Variants in TMEM144 observed in about 807,000 individuals in gnomAD.
TMEM144 encodes the protein transmembrane protein 144.
In TMEM144, 39 loss-of-function variants were observed where a neutral mutation model predicts 43.6. That is an observed-to-expected ratio of 0.90 (90% CI 0.69 to 1.17). TMEM144 has a LOEUF of 1.17. Among genes scored for constraint, TMEM144 ranks in the 50% most tolerant of loss-of-function variants. The pLI is 0.00. For synonymous variants in TMEM144, 154 were observed against 133.6 expected (o/e 1.15, Z -1.06); for missense variants, 417 against 411.9 (o/e 1.01, Z -0.11).
At chr4:158,252,817 AAAAAAG>A (rs1736276569) in intron 12 of TMEM144, among the ~76,000 whole-genome samples, 3 of 151,634 alleles carry the variant, frequency 2.0e-5, no homozygotes, top group East Asian at 1.9e-4. Context: ...CAAAAAAAAA[AAAAAAG>A]AAAAAAAGAA....
At chr4:158,237,781 C>A in intron 9 of TMEM144, 138 bp downstream of exon 9, 1 of 585,470 alleles carries the variant, frequency 1.7e-6, no homozygotes, top group Non-Finnish European at 2.9e-6. Flanking sequence ...AGGCATTGAA[C>A]ACCAAAAATA....
intron 12 of TMEM144, among the ~76,000 whole-genome samples, chr4:158,249,667 G>A (rs1397664181): frequency 6.6e-6 from 1 of 152,180 alleles, no homozygotes; most frequent in Non-Finnish European, 1.5e-5. Flanking sequence ...CACGTAATTA[G>A]ATTGTAGAGT....
intron 12 of TMEM144, 112 bp from the exon 13 acceptor site, chr4:158,253,332 G>C: frequency 1.2e-6 from 1 of 818,344 alleles, no homozygotes; most frequent in Non-Finnish European, 1.9e-6. Flanking sequence ...AGCAAAAAAG[G>C]GTACAGGCGG....
Position 158,253,734 on chromosome 4 carries a change from A to G in TMEM144, c.*207A>G, listed in dbSNP as rs143738539. The G allele has an allele frequency of 2.7e-5, 15 of 548,414 alleles. No homozygotes were observed. The African/African-American group carries it at 2.8e-4, about 10-fold the overall frequency. 34.0% of individuals were successfully genotyped at this position (548,414 alleles called of 1,614,324 possible). ...AGTATAAAAATGAAAATTTCTTCTGATGAACTGTTTATGAAGGTAGTACTT... is the reference window on the plus strand; with the variant it reads ...AGTATAAAAATGAAAATTTCTTCTGGTGAACTGTTTATGAAGGTAGTACTT... On this transcript the variant is annotated 3_prime_UTR_variant, in exon 13 of 13. Transcript: ENST00000296529.
At chr4:158,242,177 A>G (rs1301341157) in intron 11 of TMEM144, among the ~76,000 whole-genome samples, 1 of 152,222 alleles carries the variant, frequency 6.6e-6, no homozygotes, top group Non-Finnish European at 1.5e-5. Flanking sequence ...CACAGAGATT[A>G]TTCTTGAAAA....
At chr4:158,215,126 T>TA in intron 3 of TMEM144, 65 bp from the exon 4 acceptor site, 1 of 1,605,766 alleles carries the variant, frequency 6.2e-7, no homozygotes, top group Non-Finnish European at 8.5e-7. Flanking sequence ...ACCTCATAGA[T>TA]ATTCCTGAGC....
intron 6 of TMEM144, among the ~76,000 whole-genome samples, chr4:158,222,359 G>A (rs1230767431): frequency 6.6e-6 from 1 of 152,082 alleles, no homozygotes; most frequent in South Asian, 2.1e-4. Context: ...GTTTCTACAC[G>A]TTTCACCTTT....
chr4:158,224,073 A>G lies in TMEM144; in HGVS notation c.413+4683A>G, dbSNP rs570429272. On this transcript the variant is annotated intron_variant, in intron 6 of 12. Transcript: ENST00000296529. ...TTTCTCCACAGCTTCGCCAGCATCT[A>G]TTGTTTCTCTTTTTTTTAATAATCG... 1.9e-3 allele frequency among the ~76,000 whole-genome samples: 287 copies of G among 152,124 alleles called. 1 individual carries two copies. Among genetic ancestry groups the G allele is most frequent in the South Asian group, 5.2e-3 (25 of 4,820 alleles).
intron 12 of TMEM144, among the ~76,000 whole-genome samples, chr4:158,253,125 G>C (rs926608909): frequency 1.4e-4 from 21 of 152,052 alleles, no homozygotes; most frequent in African/African-American, 4.1e-4. Flanking sequence ...AAACAACCAT[G>C]GTGGTTTGCT....
intron 6 of TMEM144, among the ~76,000 whole-genome samples, chr4:158,224,953 C>T (rs116598317): frequency 2.6e-5 from 4 of 152,242 alleles, no homozygotes; most frequent in South Asian, 2.1e-4. Flanking sequence ...TCTCTAATAC[C>T]GAGAGCAAGG....
rs1334089229 is a variant in TMEM144 at position 158,211,212 on chromosome 4, T to C, written c.-182-241T>C. The C allele has an allele frequency of 3.3e-5, 5 of 152,256 alleles. No homozygotes were observed. The South Asian group carries it at 8.3e-4, about 25-fold the overall frequency. 9.4% of individuals were successfully genotyped at this position (152,256 alleles called of 1,614,324 possible). A position where few individuals can be genotyped will look rare whatever the true frequency, so the allele number is the denominator to read the frequency against. ...TTATCTATAGGTAATAACTGATTGA[T>C]GTTTATTCAGTAGTCGAAATGCACC... is the stretch of plus-strand genomic sequence containing the variant. On this transcript the variant is annotated intron_variant, in intron 1 of 12. Coordinates refer to ENST00000296529, the MANE Select transcript of TMEM144 (RefSeq NM_018342.5).
At chr4:158,238,000 A>G (rs1735443199) in intron 9 of TMEM144, among the ~76,000 whole-genome samples, 1 of 152,208 alleles carries the variant, frequency 6.6e-6, no homozygotes, top group African/African-American at 2.4e-5. Context: ...GTACTTTAAA[A>G]TGAGGTAAAG....
At chr4:158,246,488 T>C (rs1276242079) in intron 12 of TMEM144, among the ~76,000 whole-genome samples, 1 of 152,206 alleles carries the variant, frequency 6.6e-6, no homozygotes, top group Non-Finnish European at 1.5e-5. Context: ...ACAAGTAACA[T>C]TCTCAGATTT....
intron 12 of TMEM144, among the ~76,000 whole-genome samples, chr4:158,253,151 CT>C (rs1026366193): frequency 6.6e-6 from 1 of 152,200 alleles, no homozygotes; most frequent in African/African-American, 2.4e-5. Flanking sequence ...ATTAACACCC[CT>C]CTCACATAAT....
intron 8 of TMEM144, 54 bp downstream of exon 8, chr4:158,235,559 C>A: frequency 6.6e-7 from 1 of 1,504,054 alleles, no homozygotes. Flanking sequence ...TTGGTTAAAG[C>A]AGGGATTACC....
intron 6 of TMEM144, among the ~76,000 whole-genome samples, chr4:158,227,245 G>A (rs1440874279): frequency 2.6e-5 from 4 of 151,786 alleles, no homozygotes; most frequent in South Asian, 4.1e-4. Flanking sequence ...GTGTGCTCAC[G>A]ATGAGGTTTC....
intron 9 of TMEM144, 141 bp downstream of exon 9, chr4:158,237,784 CA>C: frequency 1.7e-6 from 1 of 573,410 alleles, no homozygotes; most frequent in Non-Finnish European, 3.0e-6. Flanking sequence ...CATTGAACAC[CA>C]AAAATAATAA....
At chr4:158,235,198 A>G in intron 7 of TMEM144, 1 of 447,588 alleles carries the variant, frequency 2.2e-6, no homozygotes, top group Non-Finnish European at 4.0e-6. Context: ...GTATCACAAT[A>G]GCCACATATT....
chr4:158,243,328 T>C (rs894281731), intron 11 of TMEM144, among the ~76,000 whole-genome samples: 52 of 152,218 alleles, frequency 3.4e-4, no homozygotes, highest in Non-Finnish European at 4.6e-4. Context: ...ACTTTCCAGA[T>C]ACTGATAAAC....
Sources: allele counts gnomAD v4.1 joint callset (sites outside exome capture counted in the v4.1 genomes callset), GRCh38; gene constraint gnomAD v4.1.1; transcripts MANE v1.5; gene names NCBI Gene and HGNC (gene_info 2026-07-23, HGNC 2026-07-21).